FAR1: variants seen among roughly 807,000 people sequenced by gnomAD.
FAR1 encodes the protein fatty acyl-CoA reductase 1, also known as male sterility domain-containing protein 2.
Under a neutral mutation model 61.1 loss-of-function variants are expected in FAR1, and 22 were observed. The observed-to-expected ratio is 0.36, with a 90% confidence interval of 0.26 to 0.51. FAR1 has a LOEUF of 0.51. Ranked by LOEUF, FAR1 falls within the 20% of genes least tolerant of loss-of-function variation. FAR1 has a pLI of 0.95. For missense variants in FAR1, 359 were observed against 626.9 expected, an observed-to-expected ratio of 0.57 and a Z score of 4.56; for synonymous variants, 206 against 209.7, an observed-to-expected ratio of 0.98 and a Z score of 0.15.
chr11:13,683,474 G>A (rs540223767), intron 1 of FAR1, among the ~76,000 whole-genome samples: 2 of 151,804 alleles, frequency 1.3e-5, no homozygotes, highest in Non-Finnish European at 2.9e-5. Flanking sequence ...AAAAAACATA[G>A]ATGAAATACT....
chr11:13,710,668 T>C (rs748089623), intron 4 of FAR1, 25 bp from the exon 5 acceptor site: 18 of 1,543,770 alleles, frequency 1.2e-5, no homozygotes, highest in South Asian at 2.5e-5. Flanking sequence ...TCTGGAAATA[T>C]ATTTGTATGC....
intron 8 of FAR1, 127 bp downstream of exon 8, chr11:13,713,160 G>A (rs572788222): frequency 3.7e-5 from 29 of 792,792 alleles, no homozygotes; most frequent in Admixed American, 5.6e-5. Context: ...CTTAATTGTC[G>A]TCTTAGAAGT....
At chr11:13,691,351 A>G (rs888175880) in intron 1 of FAR1, among the ~76,000 whole-genome samples, 2 of 152,234 alleles carry the variant, frequency 1.3e-5, no homozygotes, top group African/African-American at 2.4e-5. Context: ...TCTTAATAGT[A>G]TCACATTGGC....
Position 13,732,216 on chromosome 11 carries a change from G to T in FAR1, c.*3442G>T, listed in dbSNP as rs1848735726. On this transcript the variant is annotated 3_prime_UTR_variant, in exon 12 of 12. Coordinates refer to ENST00000354817, the MANE Select transcript of FAR1 (RefSeq NM_032228.6). ...TAGAATGTATTTGTCTTTTTTCCTG[G>T]TGGTACCCTCTTAGCATATATCTTT... The T allele has an allele frequency of 6.6e-6, 1 of 151,474 alleles. No homozygotes were observed. Among genetic ancestry groups the T allele is most frequent in the South Asian group, 2.1e-4 (1 of 4,802 alleles). 9.4% of individuals were successfully genotyped at this position (151,474 alleles called of 1,614,324 possible).
intron 9 of FAR1, among the ~76,000 whole-genome samples, chr11:13,718,425 T>C (rs1015896740): frequency 6.6e-6 from 1 of 152,178 alleles, no homozygotes; most frequent in African/African-American, 2.4e-5. Context: ...AGGTGACAGT[T>C]TGTTGTCCTC....
At chr11:13,698,393 T>G (rs989632552) in intron 2 of FAR1, among the ~76,000 whole-genome samples, 3 of 152,222 alleles carry the variant, frequency 2.0e-5, no homozygotes, top group Non-Finnish European at 2.9e-5. Context: ...TCCTGAATGT[T>G]ACATCCTGAA....
At chr11:13,712,474 A>G (rs1848510393) in intron 7 of FAR1, among the ~76,000 whole-genome samples, 1 of 152,090 alleles carries the variant, frequency 6.6e-6, no homozygotes. Context: ...TTTACAGGTA[A>G]CACTTAAACT....
intron 1 of FAR1, among the ~76,000 whole-genome samples, chr11:13,674,235 G>A (rs1048073331): frequency 3.3e-5 from 5 of 151,534 alleles, no homozygotes; most frequent in African/African-American, 1.2e-4. Flanking sequence ...CTTGAACCCG[G>A]GAGGCAGAGG....
intron 1 of FAR1, among the ~76,000 whole-genome samples, chr11:13,678,794 G>A (rs1442655370): frequency 1.3e-5 from 2 of 151,942 alleles, no homozygotes; most frequent in Non-Finnish European, 2.9e-5. Context: ...AATCTGGTTG[G>A]GATAAAGCAT....
chr11:13,728,203 TAC>T (rs1848686077), intron 11 of FAR1, among the ~76,000 whole-genome samples: 1 of 151,868 alleles, frequency 6.6e-6, no homozygotes. Context: ...AACATATTGT[TAC>T]TCTTTGAGAA....
intron 10 of FAR1, among the ~76,000 whole-genome samples, chr11:13,724,833 G>T (rs569705847): frequency 9.0e-4 from 137 of 152,260 alleles, no homozygotes; most frequent in African/African-American, 3.2e-3. Context: ...CATATTAAAA[G>T]TGCCCAAGAG....
chr11:13,702,635 C>T (rs1848389100), intron 3 of FAR1, among the ~76,000 whole-genome samples: 2 of 152,080 alleles, frequency 1.3e-5, no homozygotes, highest in Admixed American at 1.3e-4. Context: ...ATAGTTCTGG[C>T]TTTTATTATT....
chr11:13,730,125 A>C lies in FAR1; in HGVS notation c.*1351A>C, dbSNP rs1198087660. The C allele has an allele frequency of 5.2e-5, 8 of 152,404 alleles. No individual in the cohort carries two copies. Among genetic ancestry groups the C allele is most frequent in the Non-Finnish European group, 8.8e-5 (6 of 67,872 alleles). 9.4% of individuals were successfully genotyped at this position (152,404 alleles called of 1,614,324 possible). On this transcript the variant is annotated 3_prime_UTR_variant, in exon 12 of 12. Coordinates refer to ENST00000354817, the MANE Select transcript of FAR1 (RefSeq NM_032228.6). ...TTGTTCAGCATAACACTTCTAATTA[A>C]GTTTATCAAGTTGTACTGTATTAGA...
chr11:13,680,982 C>T (rs1210448304), intron 1 of FAR1, among the ~76,000 whole-genome samples: 1 of 152,200 alleles, frequency 6.6e-6, no homozygotes, highest in Non-Finnish European at 1.5e-5. Context: ...CTCGAGGCTT[C>T]TTCATAATCT....
intron 3 of FAR1, among the ~76,000 whole-genome samples, chr11:13,703,770 G>A (rs1447936411): frequency 5.3e-5 from 8 of 152,106 alleles, no homozygotes; most frequent in South Asian, 2.1e-4. Flanking sequence ...AGGGCTGGGC[G>A]TGGGGGCTCA....
intron 1 of FAR1, among the ~76,000 whole-genome samples, chr11:13,694,037 G>T (rs1848283228): frequency 6.6e-6 from 1 of 152,016 alleles, no homozygotes; most frequent in African/African-American, 2.4e-5. Context: ...GCATTGTTTT[G>T]AATGTGTTAG....
chr11:13,700,217 C>G, intron 2 of FAR1, 100 bp from the exon 3 acceptor site: 2 of 860,028 alleles, frequency 2.3e-6, no homozygotes, highest in Non-Finnish European at 3.5e-6. Context: ...GTTTAAGTTT[C>G]TAAAAAAATA....
chr11:13,674,626 G>A (rs1848046104), intron 1 of FAR1, among the ~76,000 whole-genome samples: 1 of 152,082 alleles, frequency 6.6e-6, no homozygotes, highest in Non-Finnish European at 1.5e-5. Context: ...TTAGTAGAGA[G>A]GATAAATTAT....
intron 1 of FAR1, among the ~76,000 whole-genome samples, chr11:13,680,176 T>C (rs760854253): frequency 1.3e-5 from 2 of 152,232 alleles, no homozygotes; most frequent in Admixed American, 6.5e-5. Context: ...CCCACTGTTA[T>C]TAGGAGCTTG....
Sources: gnomAD v4.1 joint callset for allele counts (sites outside exome capture counted in the v4.1 genomes callset) on GRCh38, gnomAD v4.1.1 for gene constraint, MANE v1.5 for transcripts, NCBI Gene and HGNC (gene_info 2026-07-23, HGNC 2026-07-21) for gene names.